Variants in STX8 observed in about 807,000 individuals in gnomAD.
STX8 encodes syntaxin-8.
In STX8, 23 loss-of-function variants were observed where a neutral mutation model predicts 37.5. The ratio of observed to expected loss-of-function variants is 0.61; its 90% CI spans 0.44 to 0.87. The LOEUF (loss-of-function observed/expected upper bound fraction) is 0.87, where lower values mean the gene tolerates loss of function less well. STX8 is among the 40% of genes least tolerant of loss of function. STX8 has a pLI of 0.00. For synonymous variants in STX8, 115 were observed against 99.1 expected, an observed-to-expected ratio of 1.16 and a Z score of -0.95; for missense variants, 313 against 284.7, an observed-to-expected ratio of 1.10 and a Z score of -0.71.
intron 6 of STX8, among the ~76,000 whole-genome samples, chr17:9,427,267 T>C: frequency 6.6e-6 from 1 of 151,692 alleles, no homozygotes; most frequent in Admixed American, 6.6e-5. Flanking sequence ...GTCACAGGAG[T>C]AGCAGTCTTG....
intron 6 of STX8, among the ~76,000 whole-genome samples, chr17:9,444,227 G>A (rs980705701): frequency 2.0e-5 from 3 of 151,992 alleles, no homozygotes; most frequent in African/African-American, 4.8e-5. Context: ...TGCCTCGAGC[G>A]GTCCTCCCAC....
intron 6 of STX8, among the ~76,000 whole-genome samples, chr17:9,394,648 A>G (rs1247488530): frequency 6.7e-6 from 1 of 148,670 alleles, no homozygotes; most frequent in Non-Finnish European, 1.5e-5. Flanking sequence ...TACAGGCGTG[A>G]GCCACCGCGC....
chr17:9,549,658 T>C (rs947879195), intron 3 of STX8, among the ~76,000 whole-genome samples: 1 of 152,084 alleles, frequency 6.6e-6, no homozygotes, highest in South Asian at 2.1e-4. Flanking sequence ...AACAATCCAA[T>C]TAGGAACATG....
chr17:9,376,156 G>A (rs762911085), intron 7 of STX8, among the ~76,000 whole-genome samples: 2 of 152,194 alleles, frequency 1.3e-5, no homozygotes, highest in African/African-American at 2.4e-5. Context: ...GTGGGGACTT[G>A]GAGAACTTTT....
chr17:9,340,899 T>G (rs940522882), intron 7 of STX8, among the ~76,000 whole-genome samples: 1 of 150,270 alleles, frequency 6.7e-6, no homozygotes, highest in South Asian at 2.1e-4. Context: ...TCAGGTGATC[T>G]GCCTGCCTCG....
intron 7 of STX8, among the ~76,000 whole-genome samples, chr17:9,313,064 G>A (rs1309686154): frequency 1.3e-5 from 2 of 152,150 alleles, no homozygotes; most frequent in Non-Finnish European, 1.5e-5. Context: ...GGTGGCGCAT[G>A]CCTGTAATCC....
At chr17:9,558,189 G>C (rs566217087) in intron 2 of STX8, among the ~76,000 whole-genome samples, 1 of 152,240 alleles carries the variant, frequency 6.6e-6, no homozygotes, top group African/African-American at 2.4e-5. Flanking sequence ...GAGTCTCTCA[G>C]GAATTTGGAA....
intron 6 of STX8, among the ~76,000 whole-genome samples, chr17:9,400,737 G>A (rs1192398206): frequency 6.6e-6 from 1 of 152,138 alleles, no homozygotes; most frequent in African/African-American, 2.4e-5. Flanking sequence ...TGCTATTAAA[G>A]TAAAACTATG....
rs538094487 is a variant in STX8, at chr17:9,543,152, GT to G, written c.323+2019del. On this transcript the variant is annotated intron_variant, in intron 4 of 7. Coordinates refer to ENST00000306357, the MANE Select transcript of STX8 (RefSeq NM_004853.3). ...CACTACCAAGCAGAATAGTCTGAAT[GT>G]TTTGTCCTCTTTCTGACCATCATCT... Among the ~76,000 whole-genome samples the G allele has an allele frequency of 9.6e-4, 146 of 152,260 alleles. 1 individual carries two copies. Among genetic ancestry groups the G allele is most frequent in the African/African-American group, 3.4e-3 (141 of 41,540 alleles).
chr17:9,378,715 C>G, intron 6 of STX8, 62 bp from the exon 7 acceptor site: 1 of 1,236,348 alleles, frequency 8.1e-7, no homozygotes, highest in South Asian at 1.2e-5. Flanking sequence ...CACAGTATCA[C>G]AGCTGTGGTT....
chr17:9,384,358 G>T (rs1911917211), intron 6 of STX8, among the ~76,000 whole-genome samples: 1 of 152,144 alleles, frequency 6.6e-6, no homozygotes, highest in Non-Finnish European at 1.5e-5. Context: ...AGAAAAACAG[G>T]CTGGATGCGG....
At chr17:9,252,369 G>A (rs533025735) in intron 7 of STX8, among the ~76,000 whole-genome samples, 4 of 152,104 alleles carry the variant, frequency 2.6e-5, no homozygotes, top group Non-Finnish European at 5.9e-5. Flanking sequence ...GCGTGAACCC[G>A]GGAGGCGGAG....
intron 6 of STX8, among the ~76,000 whole-genome samples, chr17:9,410,451 T>G (rs1420170312): frequency 2.0e-5 from 3 of 152,210 alleles, no homozygotes; most frequent in Non-Finnish European, 4.4e-5. Flanking sequence ...TCCATTACAG[T>G]GGAGACTGGC....
At chr17:9,510,787 T>A (rs1001841669) in intron 4 of STX8, among the ~76,000 whole-genome samples, 3 of 151,508 alleles carry the variant, frequency 2.0e-5, no homozygotes, top group African/African-American at 7.3e-5. Flanking sequence ...ATAAATGAAA[T>A]TGAAATAAAA....
chr17:9,274,165 T>C (rs1907571145), intron 7 of STX8, among the ~76,000 whole-genome samples: 1 of 152,172 alleles, frequency 6.6e-6, no homozygotes, highest in Non-Finnish European at 1.5e-5. Context: ...CCCCTCTGCA[T>C]GTTAACCTCA....
chr17:9,408,975 A>G (rs1275962330), intron 6 of STX8, among the ~76,000 whole-genome samples: 2 of 152,088 alleles, frequency 1.3e-5, no homozygotes, highest in African/African-American at 2.4e-5. Flanking sequence ...GCCAAGCCAC[A>G]AACTGGAAAT....
intron 6 of STX8, among the ~76,000 whole-genome samples, chr17:9,465,611 T>C (rs12949143): frequency 0.32 from 47,881 of 151,978 alleles, 7,720 homozygotes; most frequent in Middle Eastern, 0.34. Context: ...AAAATGAACT[T>C]GAGAAAAGGC....
intron 2 of STX8, among the ~76,000 whole-genome samples, chr17:9,564,082 A>G (rs1907360047): frequency 6.6e-6 from 1 of 152,192 alleles, no homozygotes; most frequent in Non-Finnish European, 1.5e-5. Flanking sequence ...GTATTCAAGG[A>G]ACATACCTCA....
At chr17:9,398,048 G>A (rs1348579908) in intron 6 of STX8, among the ~76,000 whole-genome samples, 2 of 151,252 alleles carry the variant, frequency 1.3e-5, no homozygotes, top group African/African-American at 2.4e-5. Flanking sequence ...ACGTGAAGGC[G>A]AAGAGACAAA....
Sources: allele counts gnomAD v4.1 joint callset (sites outside exome capture counted in the v4.1 genomes callset), GRCh38; gene constraint gnomAD v4.1.1; transcripts MANE v1.5; gene names NCBI Gene and HGNC (gene_info 2026-07-23, HGNC 2026-07-21).